Variants in NRXN1 observed in about 807,000 individuals in gnomAD.
NRXN1 encodes neurexin-1.
NRXN1 carries 39 observed loss-of-function variants against 150.9 expected under a neutral mutation model. The ratio of observed to expected loss-of-function variants is 0.26; its 90% CI spans 0.20 to 0.34. NRXN1 has a LOEUF of 0.34. Among genes scored for constraint, NRXN1 ranks in the 10% least tolerant of loss-of-function variants. The pLI, the probability that NRXN1 is intolerant of heterozygous loss-of-function variation, is 1.00. For synonymous variants in NRXN1, 924 were observed against 757.0 expected (o/e 1.22, Z -3.62); for missense variants, 1,815 against 1,949.9 (o/e 0.93, Z 1.30).
rs184087030 is a variant in NRXN1, at chr2:50,969,164, G to A, written c.773-43209C>T. Among the ~76,000 whole-genome samples the A allele has an allele frequency of 4.8e-3, 723 of 152,070 alleles. 6 individuals are homozygous for A. Among genetic ancestry groups the A allele is most frequent in the Non-Finnish European group, 8.5e-3 (575 of 67,994 alleles). ...CCTCAGAGATACCTTGCCGGATGAC[G>A]CAACTGAAAGTCAGACATGCTCTTT... On this transcript the variant is annotated intron_variant, in intron 2 of 22. Coordinates refer to ENST00000401669, the MANE Select transcript of NRXN1 (RefSeq NM_001330078.2).
intron 5 of NRXN1, among the ~76,000 whole-genome samples, chr2:50,705,509 T>C (rs1481776622): frequency 2.6e-5 from 4 of 152,192 alleles, no homozygotes; most frequent in Non-Finnish European, 2.9e-5. Context: ...TTATAACTAA[T>C]CACAAAGAAG....
chr2:50,845,606 C>T lies in NRXN1; in HGVS notation c.832+76263G>A, dbSNP rs113021863. 1.6e-3 allele frequency among the ~76,000 whole-genome samples: 246 copies of T among 152,288 alleles called. 4 individuals are homozygous for T. Among genetic ancestry groups the T allele is most frequent in the African/African-American group, 5.8e-3 (239 of 41,564 alleles). On this transcript the variant is annotated intron_variant, in intron 5 of 22. Coordinates refer to ENST00000401669, the MANE Select transcript of NRXN1 (RefSeq NM_001330078.2). ...ACAAATTTAAAGTTCAGATTAGGAA[C>T]CTCACCATCTATCTACCTCTCTAAC...
intron 15 of NRXN1, among the ~76,000 whole-genome samples, chr2:50,492,011 A>G (rs2091281275): frequency 6.6e-6 from 1 of 152,190 alleles, no homozygotes; most frequent in African/African-American, 2.4e-5. Context: ...GTAGGCACTT[A>G]ATAAATATTA....
intron 8 of NRXN1, among the ~76,000 whole-genome samples, chr2:50,561,132 T>A (rs1024774182): frequency 6.6e-6 from 1 of 152,226 alleles, no homozygotes; most frequent in African/African-American, 2.4e-5. Flanking sequence ...CCTTCCTTCA[T>A]TCCAGCATTC....
At chr2:50,453,618 T>G (rs1431741717) in intron 17 of NRXN1, among the ~76,000 whole-genome samples, 1 of 152,178 alleles carries the variant, frequency 6.6e-6, no homozygotes, top group Non-Finnish European at 1.5e-5. Context: ...TACGGTTGCA[T>G]ATATAAATGC....
intron 17 of NRXN1, among the ~76,000 whole-genome samples, chr2:50,357,157 T>A (rs2078874939): frequency 6.6e-6 from 1 of 152,082 alleles, no homozygotes; most frequent in Non-Finnish European, 1.5e-5. Context: ...GGTATATATC[T>A]GTGGTGCTAG....
chr2:50,839,712 T>C (rs1672605563), intron 5 of NRXN1, among the ~76,000 whole-genome samples: 1 of 152,080 alleles, frequency 6.6e-6, no homozygotes, highest in Non-Finnish European at 1.5e-5. Flanking sequence ...TATAGGATAA[T>C]AAAGAAAACA....
Position 50,339,339 on chromosome 2 carries a change from G to A in NRXN1, c.3365-102369C>T, listed in dbSNP as rs184323077. ...GAACATTTAAAAGTTCACAACCTTG[G>A]TTTAAAAAATGTAGGTCACATTATG... On this transcript the variant is annotated intron_variant, in intron 17 of 22. Coordinates refer to ENST00000401669, the MANE Select transcript of NRXN1 (RefSeq NM_001330078.2). Among the ~76,000 whole-genome samples, 216 of 150,004 alleles carry A rather than the reference G, an allele frequency of 1.4e-3. 1 individual carries two copies. Among genetic ancestry groups the A allele is most frequent in the Admixed American group, 3.2e-3 (49 of 15,226 alleles).
At chr2:50,835,254 A>G (rs1004089965) in intron 5 of NRXN1, among the ~76,000 whole-genome samples, 2 of 152,174 alleles carry the variant, frequency 1.3e-5, no homozygotes, top group African/African-American at 4.8e-5. Context: ...GTGAAAGATG[A>G]AGTAATATGA....
intron 8 of NRXN1, among the ~76,000 whole-genome samples, chr2:50,596,425 A>T (rs1675214777): frequency 6.6e-6 from 1 of 152,174 alleles, no homozygotes; most frequent in Non-Finnish European, 1.5e-5. Flanking sequence ...ACACCATTTC[A>T]AAATGCCAAA....
intron 5 of NRXN1, among the ~76,000 whole-genome samples, chr2:50,808,475 CA>C (rs200850600): frequency 2.8e-4 from 41 of 147,634 alleles, no homozygotes; most frequent in Non-Finnish European, 5.3e-4. Flanking sequence ...TACTGAAATG[CA>C]AAAAAAAAGA....
intron 8 of NRXN1, among the ~76,000 whole-genome samples, chr2:50,579,319 T>A (rs1458975142): frequency 6.6e-6 from 1 of 152,202 alleles, no homozygotes; most frequent in South Asian, 2.1e-4. Context: ...GGAAAGCCTG[T>A]ATTAGACTCC....
chr2:50,503,567 A>G (rs899547998), intron 13 of NRXN1, among the ~76,000 whole-genome samples: 3 of 34,880 alleles, frequency 8.6e-5, no homozygotes, highest in African/African-American at 3.4e-4. Flanking sequence ...AAGAAAGAAA[A>G]ATTAAAAAAA....
intron 18 of NRXN1, among the ~76,000 whole-genome samples, chr2:50,148,040 T>G (rs1331372053): frequency 2.0e-5 from 3 of 151,692 alleles, no homozygotes. Context: ...ATTGGGAGAA[T>G]GGTGCTTGCT....
intron 17 of NRXN1, among the ~76,000 whole-genome samples, chr2:50,422,703 G>A (rs937003795): frequency 6.6e-5 from 10 of 152,226 alleles, no homozygotes; most frequent in African/African-American, 2.2e-4. Context: ...GATTTGATTC[G>A]TGATGTGCTA....
At chr2:49,936,226 T>C (rs766218171) in intron 22 of NRXN1, among the ~76,000 whole-genome samples, 9 of 152,222 alleles carry the variant, frequency 5.9e-5, no homozygotes, top group Admixed American at 2.6e-4. Flanking sequence ...TTATTATAAG[T>C]GGCCAATCAT....
chr2:49,939,543 A>G (rs1221401924), intron 22 of NRXN1, among the ~76,000 whole-genome samples: 2 of 152,224 alleles, frequency 1.3e-5, no homozygotes. Context: ...AAAATCAAGT[A>G]TAATTGAGTT....
intron 18 of NRXN1, among the ~76,000 whole-genome samples, chr2:50,206,591 G>C (rs189613084): frequency 5.9e-5 from 9 of 151,772 alleles, no homozygotes; most frequent in East Asian, 3.9e-4. Context: ...ATCACACCTC[G>C]GGACAGCACA....
intron 5 of NRXN1, among the ~76,000 whole-genome samples, chr2:50,657,938 C>T (rs1363579885): frequency 1.3e-5 from 2 of 151,990 alleles, no homozygotes; most frequent in African/African-American, 4.8e-5. Flanking sequence ...TCACAATGAA[C>T]TGCAGCCACA....
Sources: gnomAD v4.1 joint callset for allele counts (sites outside exome capture counted in the v4.1 genomes callset) on GRCh38, gnomAD v4.1.1 for gene constraint, MANE v1.5 for transcripts, NCBI Gene and HGNC (gene_info 2026-07-23, HGNC 2026-07-21) for gene names.